The following UBOX5 variants were observed in gnomAD, a reference collection of about 807,000 sequenced individuals.
UBOX5 encodes the protein U-box domain containing 5, also known as RING finger protein 37.
A neutral mutation model predicts 39.0 loss-of-function variants in UBOX5; 28 were observed. The ratio of observed to expected loss-of-function variants is 0.72; its 90% CI spans 0.53 to 0.98. UBOX5 has a LOEUF of 0.98. Among genes scored for constraint, UBOX5 ranks in the 50% least tolerant of loss-of-function variants. The pLI, the probability that UBOX5 is intolerant of heterozygous loss-of-function variation, is 0.00. For synonymous variants in UBOX5, 283 were observed against 275.5 expected, an observed-to-expected ratio of 1.03 and a Z score of -0.27; for missense variants, 585 against 674.4, an observed-to-expected ratio of 0.87 and a Z score of 1.47.
In UBOX5 at chr20:3,114,734, G is replaced by C. The variant is rs560077221; in HGVS notation, c.1417+571C>G. Among the ~76,000 whole-genome samples, 127 of 152,312 alleles carry C rather than the reference G, an allele frequency of 8.3e-4. 1 individual carries two copies. Among genetic ancestry groups the C allele is most frequent in the Non-Finnish European group, 1.6e-3 (109 of 68,026 alleles). Reference sequence around the variant, plus strand: ...CGAGGCCGAGGCGGGCGGATCACGAGGTCGGGAGTTCGAGACCAGCCTGGC... The same window carrying C: ...CGAGGCCGAGGCGGGCGGATCACGACGTCGGGAGTTCGAGACCAGCCTGGC... On this transcript the variant is annotated intron_variant, in intron 4 of 4. Coordinates refer to ENST00000217173, the MANE Select transcript of UBOX5 (RefSeq NM_014948.4).
At chr20:3,117,398 C>A (rs1447309163) in intron 3 of UBOX5, among the ~76,000 whole-genome samples, 1 of 151,830 alleles carries the variant, frequency 6.6e-6, no homozygotes, top group Non-Finnish European at 1.5e-5. Context: ...AATCTATTAA[C>A]AGGGGCCAGG....
chr20:3,159,044 T>G (rs930096231), intron 1 of UBOX5, among the ~76,000 whole-genome samples: 1 of 152,198 alleles, frequency 6.6e-6, no homozygotes, highest in Admixed American at 6.5e-5. Context: ...CCAAGACTGA[T>G]GAACACAGCT....
At chr20:3,138,520 T>C (rs899437767) in intron 1 of UBOX5, among the ~76,000 whole-genome samples, 4 of 152,124 alleles carry the variant, frequency 2.6e-5, no homozygotes, top group South Asian at 4.1e-4. Flanking sequence ...AGAGTACTTT[T>C]TGCAGCTGCC....
intron 1 of UBOX5, among the ~76,000 whole-genome samples, chr20:3,150,338 G>C (rs1416417639): frequency 2.0e-5 from 3 of 152,170 alleles, no homozygotes; most frequent in Non-Finnish European, 4.4e-5. Context: ...TCAGGGTTCA[G>C]GGAACGCCAA....
intron 1 of UBOX5, among the ~76,000 whole-genome samples, chr20:3,141,145 C>G (rs1337724242): frequency 6.6e-6 from 1 of 151,692 alleles, no homozygotes; most frequent in Non-Finnish European, 1.5e-5. Flanking sequence ...TCTTGAACTC[C>G]TGACCTCAGG....
intron 3 of UBOX5, 92 bp downstream of exon 3, chr20:3,121,292 G>A: frequency 6.6e-7 from 1 of 1,506,768 alleles, no homozygotes; most frequent in Non-Finnish European, 8.9e-7. Flanking sequence ...GGGAATGTAA[G>A]CTGGCCAAGC....
intron 4 of UBOX5, among the ~76,000 whole-genome samples, chr20:3,112,343 A>G (rs1343158545): frequency 6.6e-6 from 1 of 151,964 alleles, no homozygotes; most frequent in East Asian, 1.9e-4. Context: ...GAAGCATGCA[A>G]GGGCCCCAAT....
chr20:3,109,837 G>C lies in UBOX5; in HGVS notation c.*269C>G, dbSNP rs1008484240. 1.3e-5 allele frequency: 7 copies of C among 528,506 alleles called. No homozygotes were observed. The highest frequency in any genetic ancestry group is 2.1e-5 in the Non-Finnish European group (6 of 292,198). 32.7% of individuals were successfully genotyped at this position (528,506 alleles called of 1,614,324 possible). The stretch of plus-strand genomic sequence containing the variant: ...AGCAGGGGTCTTCCTGCCTAGGGTG[G>C]GGCTGGCTCCAGTGGGTCCTGGGCT... On this transcript the variant is annotated 3_prime_UTR_variant, in exon 5 of 5. Transcript: ENST00000217173.
intron 4 of UBOX5, 157 bp from the exon 5 acceptor site, chr20:3,110,471 G>A: frequency 1.3e-6 from 1 of 782,170 alleles, no homozygotes; most frequent in South Asian, 1.8e-5. Flanking sequence ...AGTGGAAGCG[G>A]GAGAGGGAGC....
At chr20:3,126,268 G>C (rs1487272366) in intron 1 of UBOX5, among the ~76,000 whole-genome samples, 1 of 152,058 alleles carries the variant, frequency 6.6e-6, no homozygotes, top group East Asian at 1.9e-4. Context: ...TGGATTAAGG[G>C]CGGTGCAAGA....
chr20:3,131,211 AGAGT>A (rs904622968), intron 1 of UBOX5, among the ~76,000 whole-genome samples: 3 of 151,808 alleles, frequency 2.0e-5, no homozygotes, highest in Non-Finnish European at 4.4e-5. Flanking sequence ...CCTGGGCAAC[AGAGT>A]GAGACTCCAT....
rs954930743 is a variant in UBOX5 at position 3,115,339 on chromosome 20, C to T, written c.1383G>A (p.Gly461=). 2 of 1,613,558 alleles carry T rather than the reference C, an allele frequency of 1.2e-6. No individual in the cohort carries two copies. The highest frequency in any genetic ancestry group is 1.7e-6 in the Non-Finnish European group (2 of 1,179,786). ...TGCCAGGCCTCCAGGAAGTGTTGCTCCCTCTTGTGCCAAGGTGCTGGAGCT... is the reference window on the plus strand; with the variant it reads ...TGCCAGGCCTCCAGGAAGTGTTGCTTCCTCTTGTGCCAAGGTGCTGGAGCT... ...RGQLQHLGTR[G]SNTSWRPGTG... The change falls in exon 4 of 5, where the codon GGG becomes GGA. Residue 461 remains glycine, a synonymous_variant. Coordinates refer to ENST00000217173, the MANE Select transcript of UBOX5 (RefSeq NM_014948.4).
intron 3 of UBOX5, among the ~76,000 whole-genome samples, chr20:3,120,070 C>T (rs1448951159): frequency 6.6e-6 from 1 of 152,100 alleles, no homozygotes; most frequent in East Asian, 1.9e-4. Flanking sequence ...AAGAATGTTG[C>T]AGGCCAGGCA....
chr20:3,154,964 G>A (rs150663729), intron 1 of UBOX5, among the ~76,000 whole-genome samples: 380 of 147,498 alleles, frequency 2.6e-3, no homozygotes, highest in African/African-American at 9.2e-3. Context: ...GAGGCAGGAG[G>A]ATCACTTGAA....
At chr20:3,148,797 G>A in intron 1 of UBOX5, 2 of 1,614,228 alleles carry the variant, frequency 1.2e-6, no homozygotes, top group Non-Finnish European at 1.7e-6. Flanking sequence ...GAGCCCAGCT[G>A]CAATGTACTG....
At chr20:3,122,760 G>A (rs1400754285) in intron 2 of UBOX5, among the ~76,000 whole-genome samples, 176 bp from the exon 3 acceptor site, 2 of 152,112 alleles carry the variant, frequency 1.3e-5, no homozygotes, top group Non-Finnish European at 2.9e-5. Context: ...TCCCAGATCG[G>A]GGCCCCCAAG....
At chr20:3,139,142 T>C (rs2066495697) in intron 1 of UBOX5, among the ~76,000 whole-genome samples, 1 of 152,182 alleles carries the variant, frequency 6.6e-6, no homozygotes, top group African/African-American at 2.4e-5. Context: ...GAGTTACCTG[T>C]CCATCCATGA....
chr20:3,123,614 G>A (rs2148596311), intron 1 of UBOX5, among the ~76,000 whole-genome samples: 1 of 152,256 alleles, frequency 6.6e-6, no homozygotes, highest in Non-Finnish European at 1.5e-5. Flanking sequence ...TTCTATGGCA[G>A]GCTCAACAGG....
At chr20:3,133,135 G>C (rs2066442853) in intron 1 of UBOX5, among the ~76,000 whole-genome samples, 1 of 152,066 alleles carries the variant, frequency 6.6e-6, no homozygotes, top group Non-Finnish European at 1.5e-5. Flanking sequence ...TGTTTCTGTG[G>C]GAAACAGTGA....
Sources: gnomAD v4.1 joint callset for allele counts (sites outside exome capture counted in the v4.1 genomes callset) on GRCh38, gnomAD v4.1.1 for gene constraint, MANE v1.5 for transcripts, NCBI Gene and HGNC (gene_info 2026-07-23, HGNC 2026-07-21) for gene names.